SLC25A23: variants seen among roughly 807,000 people sequenced by gnomAD.
The protein encoded by SLC25A23 is mitochondrial adenyl nucleotide antiporter SLC25A23.
SLC25A23 carries 32 observed loss-of-function variants against 53.9 expected under a neutral mutation model. The ratio of observed to expected loss-of-function variants is 0.59; its 90% CI spans 0.45 to 0.80. The LOEUF is 0.80. Among genes scored for constraint, SLC25A23 ranks in the 30% least tolerant of loss-of-function variants. The pLI, the probability that SLC25A23 is intolerant of heterozygous loss-of-function variation, is 0.00. For synonymous variants in SLC25A23, 275 were observed against 264.5 expected, an observed-to-expected ratio of 1.04 and a Z score of -0.38; for missense variants, 575 against 651.4, an observed-to-expected ratio of 0.88 and a Z score of 1.28.
downstream of SLC25A23, among the ~76,000 whole-genome samples, chr19:6,439,384 ATCTC>A (rs71174914): frequency 0.32 from 44,087 of 137,152 alleles, 8,154 homozygotes; most frequent in Non-Finnish European, 0.43. Context: ...GTGAGATCCT[ATCTC>A]TCTCTCTCTC....
chr19:6,453,275 C>T (rs924933096), intron 7 of SLC25A23, among the ~76,000 whole-genome samples: 5 of 141,176 alleles, frequency 3.5e-5, no homozygotes, highest in African/African-American at 1.3e-4. Context: ...GAGTCTTGCT[C>T]AGTTGCCCAG....
At chr19:6,444,694 G>A (rs1357643757) in intron 8 of SLC25A23, among the ~76,000 whole-genome samples, 1 of 151,976 alleles carries the variant, frequency 6.6e-6, no homozygotes, top group Non-Finnish European at 1.5e-5. Flanking sequence ...TTGAGATGAA[G>A]TCTTGCTCTG....
downstream of SLC25A23, among the ~76,000 whole-genome samples, chr19:6,439,393 TCTCTCTCACA>T (rs1043879170): frequency 3.9e-5 from 5 of 129,508 alleles, no homozygotes; most frequent in African/African-American, 1.8e-4. Context: ...TATCTCTCTC[TCTCTCTCACA>T]CACACACACA....
In SLC25A23 at chr19:6,457,532, C is replaced by T. The variant is rs8112173; in HGVS notation, c.342G>A (p.Ser114=). Residue 114 remains serine (S), a synonymous_variant, in exon 3 of 10, where the codon TCG becomes TCA. Coordinates refer to ENST00000301454, the MANE Select transcript of SLC25A23 (RefSeq NM_024103.3). ...QSFRALGISI[S]LEQAEKILHS... ...GCAAAATTTTCTCAGCCTGCTCCAG[C>T]GAGATGGAAATGCCCAGAGCTCGGA... 1.2e-3 allele frequency: 1,876 copies of T among 1,614,030 alleles called. 24 individuals are homozygous for T. In the African/African-American group the frequency reaches 0.021, roughly 18 times the overall value.
downstream of SLC25A23, among the ~76,000 whole-genome samples, chr19:6,439,434 C>CACAG (rs1397312264): frequency 6.6e-6 from 1 of 151,232 alleles, no homozygotes; most frequent in African/African-American, 2.4e-5. Context: ...CACACACACA[C>CACAG]AGACACACAA....
chr19:6,437,485 T>G (rs114828078), downstream of SLC25A23, among the ~76,000 whole-genome samples: 2,796 of 151,610 alleles, frequency 0.018, 35 homozygotes, highest in South Asian at 0.038. Flanking sequence ...TTGGGGGGGG[T>G]TGCCCTAATC....
Position 6,457,594 on chromosome 19 carries a change from G to A in SLC25A23, c.284-4C>T, listed in dbSNP as rs372957744. 1 of 1,613,674 alleles carries A rather than the reference G, an allele frequency of 6.2e-7. No homozygotes were observed. Among genetic ancestry groups the A allele is most frequent in the Non-Finnish European group, 8.5e-7 (1 of 1,179,874 alleles). On this transcript the variant is annotated splice_polypyrimidine_tract_variant and splice_region_variant and intron_variant, in intron 2 of 9. Transcript: ENST00000301454. ...ATCTCAGAGACATCAATGTGACCTG[G>A]GGAGGGGGCCGGAGGTGGGGAAGGA...
At chr19:6,446,122 G>A (rs2092500876) in intron 8 of SLC25A23, among the ~76,000 whole-genome samples, 1 of 151,980 alleles carries the variant, frequency 6.6e-6, no homozygotes, top group East Asian at 1.9e-4. Flanking sequence ...CCAGTGCTTT[G>A]GGAGGCTGAG....
chr19:6,445,132 G>A (rs1230256073), intron 8 of SLC25A23, among the ~76,000 whole-genome samples: 1 of 147,146 alleles, frequency 6.8e-6, no homozygotes, highest in Non-Finnish European at 1.5e-5. Flanking sequence ...TTTCAGAGAC[G>A]GAGTTTCGTT....
intron 4 of SLC25A23, chr19:6,456,046 T>C (rs756561379): frequency 1.5e-6 from 2 of 1,319,206 alleles, no homozygotes; most frequent in South Asian, 2.5e-5. Context: ...ACGATTCTGT[T>C]CAGCCGTAGA....
At chr19:6,448,272 T>C (rs554880302) in intron 8 of SLC25A23, among the ~76,000 whole-genome samples, 2 of 152,302 alleles carry the variant, frequency 1.3e-5, no homozygotes, top group East Asian at 3.9e-4. Context: ...CTGTGATGGA[T>C]TAGTAATGCC....
At chr19:6,449,274 A>G (rs2092552272) in intron 8 of SLC25A23, among the ~76,000 whole-genome samples, 1 of 144,498 alleles carries the variant, frequency 6.9e-6, no homozygotes, top group Middle Eastern at 3.3e-3. Flanking sequence ...TTTTTTTGAG[A>G]CAGGATCTTG....
intron 8 of SLC25A23, among the ~76,000 whole-genome samples, chr19:6,448,170 G>A (rs2092533766): frequency 6.6e-6 from 1 of 152,156 alleles, no homozygotes; most frequent in Non-Finnish European, 1.5e-5. Context: ...CTTTGCGGCT[G>A]GGAGAGGCTT....
chr19:6,447,277 G>A (rs1251990174), intron 8 of SLC25A23, among the ~76,000 whole-genome samples: 2 of 150,234 alleles, frequency 1.3e-5, no homozygotes, highest in African/African-American at 5.0e-5. Context: ...GGTCTGTTTT[G>A]GAAGGATCTC....
At chr19:6,442,380 TG>T (rs2092435686) in intron 9 of SLC25A23, among the ~76,000 whole-genome samples, 1 of 152,090 alleles carries the variant, frequency 6.6e-6, no homozygotes, top group African/African-American at 2.4e-5. Flanking sequence ...GGAGCAGGTA[TG>T]GGTGTGCAAG....
chr19:6,455,270 T>C (rs1200208800), intron 4 of SLC25A23, among the ~76,000 whole-genome samples: 2 of 151,952 alleles, frequency 1.3e-5, no homozygotes, highest in African/African-American at 4.8e-5. Flanking sequence ...AGACCTTGTC[T>C]GTAACAGCAA....
chr19:6,451,924 G>A (rs1323849657), intron 8 of SLC25A23, among the ~76,000 whole-genome samples: 1 of 150,794 alleles, frequency 6.6e-6, no homozygotes, highest in Non-Finnish European at 1.5e-5. Context: ...GTAGCGGGAT[G>A]TTGGCTCACT....
chr19:6,456,544 A>AAG lies in SLC25A23; in HGVS notation c.372-15_372-14dup, dbSNP rs2092685394. 6.4e-7 allele frequency: 1 copy of AAG among 1,553,980 alleles called. No individual in the cohort carries two copies. The highest frequency in any genetic ancestry group is 1.1e-5 in the South Asian group (1 of 89,808). On this transcript the variant is annotated splice_polypyrimidine_tract_variant and intron_variant, in intron 3 of 9. Coordinates refer to ENST00000301454, the MANE Select transcript of SLC25A23 (RefSeq NM_024103.3). The stretch of plus-strand genomic sequence containing the variant: ...GTCTCGGTCCATGCTGGGGGGAAGA[A>AAG]AGGGGGTGGAGGAGGACAGGTTCAG...
chr19:6,448,282 C>A (rs1184908115), intron 8 of SLC25A23, among the ~76,000 whole-genome samples: 1 of 152,198 alleles, frequency 6.6e-6, no homozygotes, highest in Non-Finnish European at 1.5e-5. Context: ...TTAGTAATGC[C>A]TAGCCCAGGC....
Sources: gnomAD v4.1 joint callset for allele counts (sites outside exome capture counted in the v4.1 genomes callset) on GRCh38, gnomAD v4.1.1 for gene constraint, MANE v1.5 for transcripts, NCBI Gene and HGNC (gene_info 2026-07-23, HGNC 2026-07-21) for gene names.